The following SEC16A variants were observed in gnomAD, a reference collection of about 807,000 sequenced individuals.
The protein encoded by SEC16A is protein transport protein Sec16A.
Under a neutral mutation model 221.9 loss-of-function variants are expected in SEC16A, and 110 were observed. The ratio of observed to expected loss-of-function variants is 0.50; its 90% CI spans 0.42 to 0.58. The LOEUF (loss-of-function observed/expected upper bound fraction) is 0.58. Ranked by LOEUF, SEC16A falls within the 20% of genes least tolerant of loss-of-function variation. The pLI is 0.00. For synonymous variants in SEC16A, 1,393 were observed against 1,257.7 expected (o/e 1.11, Z -2.28); for missense variants, 3,165 against 3,097.8 (o/e 1.02, Z -0.52).
intron 22 of SEC16A, among the ~76,000 whole-genome samples, chr9:136,452,851 T>C (rs1838043578): frequency 7.0e-6 from 1 of 143,390 alleles, no homozygotes; most frequent in Non-Finnish European, 1.5e-5. Context: ...GGCGGGTAGA[T>C]CATGAGGTCA....
Position 136,445,648 on chromosome 9 carries a change from T to TC in SEC16A, c.6863dup (p.Glu2289ArgfsTer6). The TC allele has an allele frequency of 6.5e-7, 1 of 1,550,034 alleles. No individual in the cohort carries two copies. The highest frequency in any genetic ancestry group is 8.7e-7 in the Non-Finnish European group (1 of 1,146,600). On this transcript the variant is annotated frameshift_variant, in exon 29 of 32. Coordinates refer to ENST00000684901, the MANE Select transcript of SEC16A (RefSeq NM_014866.2). LOFTEE classifies it high-confidence loss of function. ...CCCTGGCGTCGGCACTCCTTACCTC[T>TC]CCTCCCTGGGAACCCTCAGGCCTGG...
chr9:136,447,027 A>C lies in SEC16A; in HGVS notation c.6698-78T>G. On this transcript the variant is annotated intron_variant, in intron 27 of 31. Transcript: ENST00000684901. This position sits in a 1 kb window ranked among gnomAD's most constrained non-coding sequence, Gnocchi z 5.5. ...TCTCACTGAAGACACTCCGAGAGGA[A>C]GAGAGTTTCACACTGCACACGCGGC... 1 of 1,604,394 alleles carries C rather than the reference A, an allele frequency of 6.2e-7. No individual in the cohort carries two copies. Among genetic ancestry groups the C allele is most frequent in the South Asian group, 1.1e-5 (1 of 90,062 alleles).
intron 31 of SEC16A, among the ~76,000 whole-genome samples, chr9:136,443,244 G>A (rs1430325562): frequency 2.0e-5 from 3 of 151,952 alleles, no homozygotes; most frequent in Admixed American, 2.0e-4. Flanking sequence ...AGCTCCACAC[G>A]GGAGCACGGC....
At chr9:136,449,896 A>G (rs1837553218) in intron 23 of SEC16A, among the ~76,000 whole-genome samples, 1 of 152,122 alleles carries the variant, frequency 6.6e-6, no homozygotes, top group Non-Finnish European at 1.5e-5. Flanking sequence ...ATGAAGAATG[A>G]TATTTTTCAT....
At chr9:136,448,256 G>A in intron 23 of SEC16A, 95 bp from the exon 24 acceptor site, 2 of 1,001,806 alleles carry the variant, frequency 2.0e-6, no homozygotes, top group Non-Finnish European at 3.1e-6. Flanking sequence ...CCACTTCTGT[G>A]AGGCCCCAGA....
rs1044910522 is a variant in SEC16A at position 136,441,393 on chromosome 9, G to A, written c.*362C>T. The A allele has an allele frequency of 4.0e-5, 12 of 303,320 alleles. No individual in the cohort carries two copies. The highest frequency in any genetic ancestry group is 7.2e-5 in the Non-Finnish European group (11 of 152,034). The allele number at this position is 303,320 out of a possible 1,614,324, so 18.8% of individuals were successfully genotyped here. On this transcript the variant is annotated 3_prime_UTR_variant, in exon 32 of 32. Coordinates refer to ENST00000684901, the MANE Select transcript of SEC16A (RefSeq NM_014866.2). ...GCTTGGAGAGGCCCTGGTTACTACC[G>A]ACCATGTGGCTCTCCTGTGGCAGAG...
At chr9:136,472,183 T>G in intron 3 of SEC16A, 72 bp from the exon 4 acceptor site, 1 of 1,580,846 alleles carries the variant, frequency 6.3e-7, no homozygotes, top group Non-Finnish European at 8.7e-7. Context: ...CAGCCTGAGC[T>G]GGAAACATTG....
At chr9:136,455,402 A>G (rs1838488974) in intron 20 of SEC16A, among the ~76,000 whole-genome samples, 199 bp downstream of exon 20, 1 of 152,146 alleles carries the variant, frequency 6.6e-6, no homozygotes, top group African/African-American at 2.4e-5. Flanking sequence ...CCTCCCCTCC[A>G]TGGGCTCCTC....
chr9:136,448,665 G>A (rs1264334868), intron 23 of SEC16A: 13 of 711,872 alleles, frequency 1.8e-5, no homozygotes, highest in Admixed American at 4.0e-5. Context: ...ACACCAGGAG[G>A]ATGGAGGTGG....
intron 1 of SEC16A, among the ~76,000 whole-genome samples, chr9:136,479,569 G>T (rs967862442): frequency 6.6e-6 from 1 of 152,106 alleles, no homozygotes; most frequent in African/African-American, 2.4e-5. Flanking sequence ...AGCCAGGATG[G>T]TCTTGATCTC....
At chr9:136,456,378 G>GC (rs1299932326) in intron 18 of SEC16A, among the ~76,000 whole-genome samples, 2 of 152,192 alleles carry the variant, frequency 1.3e-5, no homozygotes, top group African/African-American at 4.8e-5. Context: ...TTGGCCCACG[G>GC]GCACTGGGTT....
chr9:136,469,474 T>A (rs1484047862), intron 4 of SEC16A, among the ~76,000 whole-genome samples: 1 of 152,144 alleles, frequency 6.6e-6, no homozygotes. Context: ...GCCAGCCTGG[T>A]AAACACAGTG....
Position 136,476,581 on chromosome 9 carries a change from G to A in SEC16A, c.1035C>T (p.Asn345=), listed in dbSNP as rs781711590. ...CAGCCCCCAGTGGGTGGTGCGTACG[G>A]TTTTCTGGGCTATCTCCCCGGGCGA... ...NPLARGDSPE[N]RTHHPLGAGA... is the part of the protein sequence containing the mutation. Residue 345 remains asparagine, a synonymous_variant, in exon 3 of 32, where the codon AAC becomes AAT. Transcript: ENST00000684901. The A allele has an allele frequency of 7.5e-6, 12 of 1,606,574 alleles. No individual in the cohort carries two copies. Among genetic ancestry groups the A allele is most frequent in the Non-Finnish European group, 8.5e-7 (1 of 1,174,986 alleles).
At chr9:136,483,668 C>T, upstream of SEC16A, 12 of 985,612 alleles carry the variant, frequency 1.2e-5, no homozygotes, top group Non-Finnish European at 1.4e-5. Context: ...GGAAATCAGT[C>T]TGCAGGACCG....
intron 22 of SEC16A, among the ~76,000 whole-genome samples, chr9:136,453,154 G>C (rs1300502691): frequency 6.6e-6 from 1 of 151,664 alleles, no homozygotes; most frequent in Non-Finnish European, 1.5e-5. Flanking sequence ...AATTAATAAG[G>C]GGATTTCATG....
intron 2 of SEC16A, 67 bp from the exon 3 acceptor site, chr9:136,477,751 A>G (rs1297540919): frequency 1.4e-6 from 2 of 1,381,614 alleles, no homozygotes; most frequent in Admixed American, 2.9e-5. Flanking sequence ...CAATCAGGAA[A>G]ACTAAGGAAA....
Position 136,483,028 on chromosome 9 carries a change from T to G in SEC16A, c.-282A>C, listed in dbSNP as rs924340609. 25 of 984,886 alleles carry G rather than the reference T, an allele frequency of 2.5e-5. No homozygotes were observed. In the Admixed American group the frequency reaches 1.5e-3, roughly 58 times the overall value. The allele number at this position is 984,886 out of a possible 1,614,324, so 61.0% of individuals were successfully genotyped here. Reference sequence around the variant, plus strand: ...ACAGACACCTCAGCCGCCGCAGCCATCTTGGCACATCCGGCTCGGGTCTCC... The same window carrying G: ...ACAGACACCTCAGCCGCCGCAGCCAGCTTGGCACATCCGGCTCGGGTCTCC... On this transcript the variant is annotated 5_prime_UTR_variant, in exon 1 of 32. The change abolishes an upstream ATG in the 5' untranslated region. Coordinates refer to ENST00000684901, the MANE Select transcript of SEC16A (RefSeq NM_014866.2).
At chr9:136,464,337 A>T in intron 9 of SEC16A, 83 bp downstream of exon 9, 1 of 1,325,938 alleles carries the variant, frequency 7.5e-7, no homozygotes, top group Non-Finnish European at 1.0e-6. Context: ...ACAAGGTCTG[A>T]CAATTGAAGA....
chr9:136,455,353 G>A (rs866143229), intron 20 of SEC16A, among the ~76,000 whole-genome samples: 10 of 152,130 alleles, frequency 6.6e-5, no homozygotes, highest in South Asian at 2.1e-4. Context: ...GGGCAGTGTC[G>A]CCAGCACATG....
Sources: allele counts gnomAD v4.1 joint callset (sites outside exome capture counted in the v4.1 genomes callset), GRCh38; gene constraint gnomAD v4.1.1; non-coding constraint Gnocchi (gnomAD v3.1); transcripts MANE v1.5; gene names NCBI Gene and HGNC (gene_info 2026-07-23, HGNC 2026-07-21).